Variants in ATP7A observed in about 807,000 individuals in gnomAD.
ATP7A encodes the protein ATPase copper transporting alpha.
A neutral mutation model predicts 83.5 loss-of-function variants in ATP7A; 7 were observed. The observed-to-expected ratio is 0.08, with a 90% CI of 0.05 to 0.16. ATP7A has a LOEUF of 0.16. Among genes scored for constraint, ATP7A ranks in the 10% least tolerant of loss-of-function variants. ATP7A has a pLI of 1.00. For synonymous variants in ATP7A, 354 were observed against 395.2 expected, an observed-to-expected ratio of 0.90 and a Z score of 1.24; for missense variants, 940 against 1,120.8, an observed-to-expected ratio of 0.84 and a Z score of 2.30.
chrX:77,988,366 C>T lies in ATP7A; in HGVS notation c.245C>T (p.Pro82Leu). Residue 82 changes from proline (P) to leucine (L), a missense_variant, in exon 3 of 23, where the codon CCT becomes CTT. Physicochemically the swap from Pro to Leu is moderately conservative, Grantham distance 98 (BLOSUM62 -3). This residue lies in a region of ATP7A where 350 missense variants were observed against 432.8 expected (regional missense o/e 0.81). Transcript: ENST00000341514. Reference sequence around the variant, plus strand: ...GTTATCCATAATCCTGACCCTCTCCCTGTTTTAACTGACACCTTGTTTCTG... The same window carrying T: ...GTTATCCATAATCCTGACCCTCTCCTTGTTTTAACTGACACCTTGTTTCTG... Reference protein sequence around the residue: ...DAVIHNPDPLPVLTDTLFLTV... With the variant: ...DAVIHNPDPLLVLTDTLFLTV... 1 of 1,211,073 alleles carries T rather than the reference C, an allele frequency of 8.3e-7. No homozygotes were observed. The highest frequency in any genetic ancestry group is 1.1e-6 in the Non-Finnish European group (1 of 895,126).
chrX:78,046,355 A>G lies in ATP7A; in HGVS notation c.4288A>G (p.Ser1430Gly), dbSNP rs2149113992. The change falls in exon 23 of 23, where the codon AGT (serine) becomes GGT (glycine). Residue 1430 changes from serine to glycine, a missense_variant. By Grantham distance (56) the Ser-to-Gly change is moderately conservative. This residue lies in a region of ATP7A where 386 missense variants were observed against 502.2 expected (regional missense o/e 0.77). Transcript: ENST00000341514. ...LPARSQIGQK[S>G]PSEISVHVGI... ...TGCCCGGAGCCAGATAGGACAGAAG[A>G]GTCCTTCAGAAATCAGCGTTCATGT... 1.3e-5 allele frequency: 16 copies of G among 1,211,414 alleles called. No individual in the cohort carries two copies. The highest frequency in any genetic ancestry group is 1.8e-5 in the Non-Finnish European group (16 of 894,922).
intron 5 of ATP7A, among the ~76,000 whole-genome samples, chrX:78,001,941 T>G (rs782769410): frequency 8.9e-6 from 1 of 111,969 alleles, no homozygotes; most frequent in East Asian, 2.8e-4. Flanking sequence ...TTTAGATTAC[T>G]GTGTGCCAGA....
chrX:77,997,062 A>C (rs1181020953), intron 4 of ATP7A, among the ~76,000 whole-genome samples: 1 of 112,491 alleles, frequency 8.9e-6, no homozygotes, highest in Non-Finnish European at 1.9e-5. Flanking sequence ...CTAATTAAGG[A>C]ACACTTTACT....
intron 2 of ATP7A, among the ~76,000 whole-genome samples, chrX:77,980,427 A>G (rs1235030530): frequency 9.1e-6 from 1 of 110,153 alleles, no homozygotes; most frequent in Non-Finnish European, 1.9e-5. Flanking sequence ...CCTGGGCAAC[A>G]GAGCGAGACT....
chrX:77,914,067 T>A (rs1373102404), intron 1 of ATP7A, among the ~76,000 whole-genome samples: 1 of 110,728 alleles, frequency 9.0e-6, no homozygotes, highest in Non-Finnish European at 1.9e-5. Flanking sequence ...TATTTATCTA[T>A]GTATTTATTT....
rs2077859225 is a variant in ATP7A, at chrX:78,015,843, T to C, written c.2588T>C (p.Ile863Thr). 8.3e-7 allele frequency: 1 copy of C among 1,210,343 alleles called. No individual in the cohort carries two copies. The highest frequency in any genetic ancestry group is 2.2e-5 in the Admixed American group (1 of 45,794). ...AAATTTCCAGTGGATGGTCGTGTTA[T>C]TGAAGGACATTCTATGGTAGATGAG... is the stretch of plus-strand genomic sequence containing the variant. ...GGKFPVDGRV[I>T]EGHSMVDESL... is the part of the protein sequence containing the mutation. Residue 863 changes from isoleucine to threonine, a missense_variant, in exon 12 of 23, where the codon ATT becomes ACT. Physicochemically the swap from Ile to Thr is moderately conservative, Grantham distance 89. This residue lies in a region of ATP7A where 386 missense variants were observed against 502.2 expected (regional missense o/e 0.77). Coordinates refer to ENST00000341514, the MANE Select transcript of ATP7A (RefSeq NM_000052.7).
chrX:77,986,307 T>G (rs2077636274), intron 2 of ATP7A, among the ~76,000 whole-genome samples: 1 of 112,388 alleles, frequency 8.9e-6, no homozygotes, highest in Non-Finnish European at 1.9e-5. Context: ...ATATGTTCAT[T>G]AAAATAAGTG....
At chrX:78,038,618 A>G (rs782657565) in intron 17 of ATP7A, among the ~76,000 whole-genome samples, 9 of 111,481 alleles carry the variant, frequency 8.1e-5, no homozygotes, top group Non-Finnish European at 1.5e-4. Flanking sequence ...GAGGAGGGAT[A>G]AGGACATTTC....
intron 10 of ATP7A, 42 bp downstream of exon 10, chrX:78,013,154 A>G (rs1557234766): frequency 1.8e-6 from 2 of 1,105,959 alleles, no homozygotes; most frequent in South Asian, 3.7e-5. Context: ...TGTTGGGTGG[A>G]TAAATGACCT....
chrX:78,043,566 A>T, intron 21 of ATP7A, 132 bp downstream of exon 21: 1 of 517,842 alleles, frequency 1.9e-6, no homozygotes, highest in South Asian at 2.7e-5. Context: ...GTGAGAGGTA[A>T]TGTTAAAATC....
At chrX:77,943,148 C>A (rs2077360642) in intron 1 of ATP7A, among the ~76,000 whole-genome samples, 1 of 112,074 alleles carries the variant, frequency 8.9e-6, no homozygotes, top group Admixed American at 9.5e-5. Flanking sequence ...TATAGTGAGA[C>A]TTGTTGGTGC....
intron 1 of ATP7A, among the ~76,000 whole-genome samples, chrX:77,919,688 A>G (rs1483817906): frequency 8.9e-6 from 1 of 111,957 alleles, no homozygotes; most frequent in Non-Finnish European, 1.9e-5. Flanking sequence ...GGGTTTCACC[A>G]TGTTGGCCAG....
At position 78,012,160 on chromosome X, in the gene ATP7A, C is replaced by T. The variant is rs782724988; in HGVS notation, c.2172+486C>T. ...TCCTGGCACTTCAGTTCATTACTTT[C>T]TGTATGTTTTAAACTCTTTTTTCGA... On this transcript the variant is annotated intron_variant, in intron 9 of 22. Transcript: ENST00000341514. Among the ~76,000 whole-genome samples, 8 of 111,027 alleles carry T rather than the reference C, an allele frequency of 7.2e-5. No individual in the cohort carries two copies. The South Asian group carries it at 3.0e-3, about 41-fold the overall frequency.
Position 78,034,746 on chromosome X carries a change from C to CT in ATP7A, c.3511+940dup, listed in dbSNP as rs781904882. Among the ~76,000 whole-genome samples the CT allele has an allele frequency of 6.8e-3, 679 of 100,135 alleles. 2 individuals carry two copies. Among genetic ancestry groups the CT allele is most frequent in the Middle Eastern group, 0.029 (6 of 204 alleles). The allele number at this position is 100,135 out of a possible 115,157, so 87.0% of individuals were successfully genotyped here. A position where few individuals can be genotyped will look rare whatever the true frequency, so the allele number is the denominator to read the frequency against. ...TCTCCTCTCACCTCCCTGGCTGTTC[C>CT]TTTTTTTTTTTTTTTGAGAAGGAGT... On this transcript the variant is annotated intron_variant, in intron 17 of 22. Coordinates refer to ENST00000341514, the MANE Select transcript of ATP7A (RefSeq NM_000052.7).
chrX:77,928,600 CTA>C (rs2077256026), intron 1 of ATP7A, among the ~76,000 whole-genome samples: 1 of 111,242 alleles, frequency 9.0e-6, no homozygotes, highest in Non-Finnish European at 1.9e-5. Context: ...TTGGAATTTA[CTA>C]TATGTTTCCC....
chrX:77,989,892 C>T lies in ATP7A; in HGVS notation c.1270C>T (p.Leu424=), dbSNP rs139000596. The T allele has an allele frequency of 2.6e-5, 31 of 1,208,875 alleles. No individual in the cohort carries two copies. Among genetic ancestry groups the T allele is most frequent in the African/African-American group, 5.2e-5 (3 of 57,255 alleles). Residue 424 remains leucine (L), a synonymous_variant, in exon 4 of 23, where the codon CTA becomes TTA. Coordinates refer to ENST00000341514, the MANE Select transcript of ATP7A (RefSeq NM_000052.7). ...CAATGGGACTGTTGAGTATGATCCTCTACTAACCTCTCCAGAAACGTTGAG... is the reference window on the plus strand; with the variant it reads ...CAATGGGACTGTTGAGTATGATCCTTTACTAACCTCTCCAGAAACGTTGAG... ...NSNGTVEYDP[L]LTSPETLRGA... is the part of the protein sequence containing the mutation.
rs371335311 is a variant in ATP7A at position 78,036,774 on chromosome X, G to A, written c.3512-2062G>A. ...CAGGCACCTGTAATCCCAGCTACTC[G>A]GGAGGCTGAGGCAGGAGAGAATCTT... On this transcript the variant is annotated intron_variant, in intron 17 of 22. Transcript: ENST00000341514. Among the ~76,000 whole-genome samples the A allele has an allele frequency of 2.1e-3, 237 of 111,018 alleles. 3 individuals are homozygous for A. Among genetic ancestry groups the A allele is most frequent in the African/African-American group, 7.3e-3 (223 of 30,485 alleles).
At chrX:77,940,649 A>C (rs1465002298) in intron 1 of ATP7A, among the ~76,000 whole-genome samples, 1 of 111,608 alleles carries the variant, frequency 9.0e-6, no homozygotes, top group African/African-American at 3.3e-5. Context: ...GAAACTTAAA[A>C]AAGACTAACA....
chrX:78,009,832 G>A (rs1297604902), intron 7 of ATP7A, among the ~76,000 whole-genome samples: 3 of 111,837 alleles, frequency 2.7e-5, no homozygotes, highest in African/African-American at 6.5e-5. Context: ...GTGGTGCCAC[G>A]CACCCATAGT....
Sources: allele counts gnomAD v4.1 joint callset (sites outside exome capture counted in the v4.1 genomes callset), GRCh38; gene constraint gnomAD v4.1.1; regional missense constraint gnomAD v4.1.1; transcripts MANE v1.5; gene names NCBI Gene and HGNC (gene_info 2026-07-23, HGNC 2026-07-21).